The following TNKS variants were observed in gnomAD, a reference collection of about 807,000 sequenced individuals.
TNKS encodes the protein tankyrase.
In TNKS, 72 loss-of-function variants were observed where a neutral mutation model predicts 135.8. That is an observed-to-expected ratio of 0.53 (90% CI 0.44 to 0.64). The LOEUF is 0.64. Ranked by LOEUF, TNKS falls within the 30% of genes least tolerant of loss-of-function variation. The probability of loss-of-function intolerance (pLI) is 0.00; values close to 1 mark genes in which losing one functional copy is unlikely to be tolerated. For synonymous variants in TNKS, 849 were observed against 649.3 expected, an observed-to-expected ratio of 1.31 and a Z score of -4.68; for missense variants, 1,769 against 1,674.0, an observed-to-expected ratio of 1.06 and a Z score of -0.99.
At chr8:9,682,436 A>G (rs1443515946) in intron 5 of TNKS, among the ~76,000 whole-genome samples, 1 of 152,122 alleles carries the variant, frequency 6.6e-6, no homozygotes, top group African/African-American at 2.4e-5. Flanking sequence ...TCCCTGCTTC[A>G]TCTCCTACAC....
intron 11 of TNKS, among the ~76,000 whole-genome samples, chr8:9,714,307 A>T (rs1184667509): frequency 4.8e-5 from 7 of 147,010 alleles, no homozygotes; most frequent in Non-Finnish European, 8.9e-5. Context: ...AATCAGTGAT[A>T]TGTGAAGCAA....
At chr8:9,712,309 A>G (rs879426209) in intron 11 of TNKS, among the ~76,000 whole-genome samples, 4 of 151,752 alleles carry the variant, frequency 2.6e-5, no homozygotes, top group Non-Finnish European at 5.9e-5. Flanking sequence ...GCAAGACACT[A>G]TCTCTACAAA....
At chr8:9,751,474 A>G (rs1806527633) in intron 18 of TNKS, 135 bp from the exon 19 acceptor site, 3 of 681,060 alleles carry the variant, frequency 4.4e-6, no homozygotes, top group Admixed American at 5.7e-5. Context: ...TAGGAGAAGG[A>G]ATGATCAAAA....
intron 3 of TNKS, chr8:9,670,345 A>T (rs894259998): frequency 1.3e-5 from 2 of 152,140 alleles, no homozygotes; most frequent in South Asian, 4.1e-4. Flanking sequence ...GAAGGTGGAG[A>T]TGTTCAAATT....
intron 3 of TNKS, among the ~76,000 whole-genome samples, chr8:9,638,650 T>G (rs1446282588): frequency 2.6e-5 from 4 of 152,238 alleles, no homozygotes; most frequent in Admixed American, 6.5e-5. Flanking sequence ...CAAAAATGAT[T>G]AGGAAAAAGT....
At chr8:9,734,752 A>G (rs371130127) in intron 15 of TNKS, 113 bp from the exon 16 acceptor site, 3 of 879,252 alleles carry the variant, frequency 3.4e-6, no homozygotes, top group Non-Finnish European at 1.7e-6. Context: ...AAATGCATAT[A>G]GAGTAGATAT....
chr8:9,679,673 A>G, intron 3 of TNKS: 1 of 374,836 alleles, frequency 2.7e-6, no homozygotes, highest in Non-Finnish European at 4.9e-6. Context: ...TATCAGAGGG[A>G]ATGTGTTTCT....
At chr8:9,723,420 C>T (rs1805002504) in intron 12 of TNKS, among the ~76,000 whole-genome samples, 1 of 151,702 alleles carries the variant, frequency 6.6e-6, no homozygotes, top group Non-Finnish European at 1.5e-5. Context: ...CTTGTTAATA[C>T]GGGTTTGAGA....
intron 3 of TNKS, among the ~76,000 whole-genome samples, chr8:9,649,892 T>A (rs1427846875): frequency 1.0e-5 from 1 of 98,688 alleles, no homozygotes; most frequent in Non-Finnish European, 2.1e-5. Flanking sequence ...TTTTTTTTTT[T>A]TTTTTTTTTT....
chr8:9,768,225 C>G (rs1317601047), intron 25 of TNKS, among the ~76,000 whole-genome samples: 1 of 152,002 alleles, frequency 6.6e-6, no homozygotes, highest in Admixed American at 6.5e-5. Flanking sequence ...CAGTGCAGCC[C>G]CAGGGAAGCA....
At chr8:9,748,298 G>A in intron 18 of TNKS, 86 bp downstream of exon 18, 1 of 1,201,154 alleles carries the variant, frequency 8.3e-7, no homozygotes, top group Non-Finnish European at 1.1e-6. Flanking sequence ...CTTACTTTTA[G>A]TCGTGTTTAT....
chr8:9,610,016 C>A (rs1799390441), intron 2 of TNKS, among the ~76,000 whole-genome samples: 1 of 152,056 alleles, frequency 6.6e-6, no homozygotes, highest in South Asian at 2.1e-4. Context: ...CGCCACCACG[C>A]CTGGCTAATT....
At chr8:9,631,264 T>A in intron 3 of TNKS, among the ~76,000 whole-genome samples, 1 of 152,184 alleles carries the variant, frequency 6.6e-6, no homozygotes, top group East Asian at 1.9e-4. Context: ...AGGGATGTGA[T>A]CTTCTCACGT....
chr8:9,657,242 GCGGGGGGCCGACCCCCCCACC>G (rs1801425835), intron 3 of TNKS, among the ~76,000 whole-genome samples: 2 of 124,628 alleles, frequency 1.6e-5, no homozygotes, highest in African/African-American at 3.0e-5. Flanking sequence ...GGCTGGCCGG[GCGGGGGGCCGACCCCCCCACC>G]TCCCTCCCGG....
chr8:9,752,725 CGGCAGGATTGCT>C, intron 20 of TNKS, 99 bp downstream of exon 20: 1 of 760,056 alleles, frequency 1.3e-6, no homozygotes, highest in South Asian at 2.1e-5. Flanking sequence ...TGGAATGCTT[CGGCAGGATTGCT>C]TGAGCCCAGG....
chr8:9,630,959 C>G (rs985397284), intron 3 of TNKS, among the ~76,000 whole-genome samples: 1 of 152,054 alleles, frequency 6.6e-6, no homozygotes, highest in Non-Finnish European at 1.5e-5. Flanking sequence ...TTCTCCTTGA[C>G]GAAGCAGTAC....
At chr8:9,664,379 G>C (rs940023926) in intron 3 of TNKS, among the ~76,000 whole-genome samples, 1 of 152,098 alleles carries the variant, frequency 6.6e-6, no homozygotes, top group African/African-American at 2.4e-5. Context: ...CTTCCTCCCC[G>C]TGCACCTTCC....
chr8:9,571,969 G>T (rs1012679494), intron 1 of TNKS, among the ~76,000 whole-genome samples: 1 of 152,066 alleles, frequency 6.6e-6, no homozygotes, highest in Non-Finnish European at 1.5e-5. Flanking sequence ...ATTAGGGAAG[G>T]TCTCTATCCC....
chr8:9,752,694 C>T (rs1385546166), intron 20 of TNKS, 68 bp downstream of exon 20: 10 of 1,088,082 alleles, frequency 9.2e-6, no homozygotes, highest in Non-Finnish European at 1.2e-5. Flanking sequence ...TGCAGTGGTT[C>T]ACACCTTACT....
Sources: allele counts gnomAD v4.1 joint callset (sites outside exome capture counted in the v4.1 genomes callset), GRCh38; gene constraint gnomAD v4.1.1; transcripts MANE v1.5; gene names NCBI Gene and HGNC (gene_info 2026-07-23, HGNC 2026-07-21).